The following TRPA1 variants were observed in gnomAD, a reference collection of about 807,000 sequenced individuals.
The protein encoded by TRPA1 is ankyrin-like with transmembrane domains 1.
In TRPA1, 129 loss-of-function variants were observed where a neutral mutation model predicts 131.3. That is an observed-to-expected ratio of 0.98 (90% CI 0.85 to 1.14). The LOEUF (loss-of-function observed/expected upper bound fraction) is 1.14, where lower values mean the gene tolerates loss of function less well. Ranked by LOEUF, TRPA1 falls within the 50% of genes most tolerant of loss-of-function variation. The pLI, the probability that TRPA1 is intolerant of heterozygous loss-of-function variation, is 0.00. For synonymous variants in TRPA1, 441 were observed against 451.7 expected (o/e 0.98, Z 0.30); for missense variants, 1,304 against 1,354.2 (o/e 0.96, Z 0.58).
At chr8:72,078,239 T>C (rs1343078634), upstream of TRPA1, among the ~76,000 whole-genome samples, 1 of 152,090 alleles carries the variant, frequency 6.6e-6, no homozygotes, top group Non-Finnish European at 1.5e-5. Flanking sequence ...CTAAGGAAAA[T>C]AGCATCTTTT....
At chr8:72,079,485 T>TCAAA (rs1806249969), upstream of TRPA1, among the ~76,000 whole-genome samples, 1 of 151,992 alleles carries the variant, frequency 6.6e-6, no homozygotes, top group African/African-American at 2.4e-5. Flanking sequence ...AGAACTGCCT[T>TCAAA]CAAACCATTG....
intron 3 of TRPA1, 87 bp downstream of exon 3, chr8:72,068,936 C>T (rs948925657): frequency 4.3e-6 from 6 of 1,404,618 alleles, no homozygotes; most frequent in African/African-American, 1.4e-5. Context: ...AGAAGGTGCT[C>T]ATCCTGGTGC....
Position 72,047,245 on chromosome 8 carries a change from T to G in TRPA1, c.1906-38A>C, listed in dbSNP as rs762858940. ...AAAACCAGCTAAGATATTGGGGCAG[T>G]ACACTACATATTAGGAAAGATTTTA... On this transcript the variant is annotated intron_variant, in intron 15 of 26. Transcript: ENST00000262209. 4.3e-6 allele frequency: 6 copies of G among 1,410,250 alleles called. No homozygotes were observed. The African/African-American group carries it at 8.5e-5, about 20-fold the overall frequency. The allele number at this position is 1,410,250 out of a possible 1,614,324, so 87.4% of individuals were successfully genotyped here. A position where few individuals can be genotyped will look rare whatever the true frequency, so the allele number is the denominator to read the frequency against.
rs888941922 is a variant in TRPA1, at chr8:72,026,081, G to A, written c.2938-8C>T. ...GCTGGTATGAAGTTCCACCTAAAGTGCATTTTGGATTTATTGATAGAATCA... is the reference window on the plus strand; with the variant it reads ...GCTGGTATGAAGTTCCACCTAAAGTACATTTTGGATTTATTGATAGAATCA... On this transcript the variant is annotated splice_region_variant and splice_polypyrimidine_tract_variant and intron_variant, in intron 24 of 26. Transcript: ENST00000262209. The A allele has an allele frequency of 1.9e-6, 3 of 1,608,922 alleles. No homozygotes were observed. Among genetic ancestry groups the A allele is most frequent in the Non-Finnish European group, 2.6e-6 (3 of 1,175,486 alleles).
At chr8:72,053,030 A>AGAGG in intron 13 of TRPA1, 1 of 389,282 alleles carries the variant, frequency 2.6e-6, no homozygotes, top group African/African-American at 2.1e-5. Flanking sequence ...AGAGAGAGAG[A>AGAGG]GAGAGAGAGA....
At chr8:72,079,509 G>T (rs1435879399), upstream of TRPA1, among the ~76,000 whole-genome samples, 1 of 151,858 alleles carries the variant, frequency 6.6e-6, no homozygotes, top group Non-Finnish European at 1.5e-5. Flanking sequence ...AAAATCAATT[G>T]ACTACAAATG....
rs1805539438 is a variant in TRPA1 at position 72,052,641 on chromosome 8, T to C, written c.1769A>G (p.Asn590Ser). ...QASFLHLALHNKRKEVVLTII... is the reference protein window; with the variant it reads ...QASFLHLALHSKRKEVVLTII... The stretch of plus-strand genomic sequence containing the variant: ...CGTAAGAACAACCTCCTTCCTCTTA[T>C]TGTGAAGTGCAAGGTGCAAAAAGGA... Residue 590 changes from asparagine (N) to serine (S), a missense_variant, in exon 14 of 27, where the codon AAT becomes AGT. Asn to Ser is a conservative substitution (Grantham distance 46, BLOSUM62 1). Coordinates refer to ENST00000262209, the MANE Select transcript of TRPA1 (RefSeq NM_007332.3). The C allele has an allele frequency of 2.5e-6, 4 of 1,613,588 alleles. No homozygotes were observed. Among genetic ancestry groups the C allele is most frequent in the East Asian group, 2.2e-5 (1 of 44,870 alleles).
chr8:72,063,712 A>G, intron 4 of TRPA1, 141 bp from the exon 5 acceptor site: 1 of 637,814 alleles, frequency 1.6e-6, no homozygotes, highest in Non-Finnish European at 2.8e-6. Context: ...TATGTTATGA[A>G]ATCTAGGCAA....
chr8:72,041,576 A>T (rs1812251588), intron 17 of TRPA1, among the ~76,000 whole-genome samples: 1 of 151,932 alleles, frequency 6.6e-6, no homozygotes, highest in African/African-American at 2.4e-5. Context: ...AAAATCGAAA[A>T]ACCTGTGGAA....
chr8:72,064,982 A>C (rs1174191504), intron 4 of TRPA1, among the ~76,000 whole-genome samples: 1 of 152,206 alleles, frequency 6.6e-6, no homozygotes, highest in African/African-American at 2.4e-5. Context: ...TTTGAGACCC[A>C]ATGACAATAA....
In TRPA1 at chr8:72,062,895, A is replaced by C. The variant is rs1259783955; in HGVS notation, c.711T>G (p.Asn237Lys). 1.2e-6 allele frequency: 2 copies of C among 1,613,982 alleles called. No homozygotes were observed. The highest frequency in any genetic ancestry group is 2.2e-5 in the East Asian group (1 of 44,872). The change falls in exon 6 of 27, where the codon AAT (asparagine) becomes AAG (lysine). Residue 237 changes from asparagine (N) to lysine (K), a missense_variant. Coordinates refer to ENST00000262209, the MANE Select transcript of TRPA1 (RefSeq NM_007332.3). The stretch of plus-strand genomic sequence containing the variant: ...CCAGGTGGAGAGGGGTGGCTTTCCC[A>C]TTATTCATAAAGTTAATGTGCAACT... The part of the protein sequence containing the change: ...SRQLHINFMN[N>K]GKATPLHLAV...
chr8:72,026,103 A>G, intron 24 of TRPA1, 30 bp from the exon 25 acceptor site: 1 of 1,548,270 alleles, frequency 6.5e-7, no homozygotes, highest in Non-Finnish European at 8.9e-7. Flanking sequence ...TATTGATAGA[A>G]TCATTAGTTA....
At chr8:72,057,163 A>G (rs2129435736) in intron 9 of TRPA1, 146 bp from the exon 10 acceptor site, 1 of 662,532 alleles carries the variant, frequency 1.5e-6, no homozygotes, top group Non-Finnish European at 2.6e-6. Context: ...TGAGAAAACT[A>G]AACATATTTA....
At chr8:72,067,967 G>GTAAGACA (rs1237355477) in intron 3 of TRPA1, among the ~76,000 whole-genome samples, 2 of 152,304 alleles carry the variant, frequency 1.3e-5, no homozygotes, top group African/African-American at 4.8e-5. Flanking sequence ...ACTTGAATTA[G>GTAAGACA]TAAGACACAC....
At chr8:72,077,626 G>A (rs1806215715), upstream of TRPA1, among the ~76,000 whole-genome samples, 1 of 152,096 alleles carries the variant, frequency 6.6e-6, no homozygotes, top group African/African-American at 2.4e-5. Flanking sequence ...TTTTCAGGCA[G>A]TGTCTTCCTA....
chr8:72,052,995 G>GTGTGTGTGTGTGTGAT (rs71265966), intron 13 of TRPA1: 9 of 351,500 alleles, frequency 2.6e-5, no homozygotes, highest in African/African-American at 1.6e-4. Flanking sequence ...GTGTGTGTGT[G>GTGTGTGTGTGTGTGAT]AGAGATAGAG....
rs987361471 is a variant in TRPA1, at chr8:72,047,657, T to C, written c.1906-450A>G. 8.5e-5 allele frequency among the ~76,000 whole-genome samples: 13 copies of C among 152,288 alleles called. No individual in the cohort carries two copies. The South Asian group carries it at 1.9e-3, about 22-fold the overall frequency. On this transcript the variant is annotated intron_variant, in intron 15 of 26. Transcript: ENST00000262209. ...GAAAATTCCACACATGAGTACTTAATATAAACTTTGTTTCATGCACAAAAT... is the reference window on the plus strand; with the variant it reads ...GAAAATTCCACACATGAGTACTTAACATAAACTTTGTTTCATGCACAAAAT...
At chr8:72,026,095 T>C in intron 24 of TRPA1, 22 bp from the exon 25 acceptor site, 2 of 1,586,886 alleles carry the variant, frequency 1.3e-6, no homozygotes, top group Non-Finnish European at 1.7e-6. Flanking sequence ...TTTGGATTTA[T>C]TGATAGAATC....
Position 72,054,184 on chromosome 8 carries a change from A to C in TRPA1, c.1530-317T>G, listed in dbSNP as rs1052337532. Reference sequence around the variant, plus strand: ...GTCTGTGTCATACCTAATTTTTTTAAAGCTATAATGAACTGATACACATCA... The same window carrying C: ...GTCTGTGTCATACCTAATTTTTTTACAGCTATAATGAACTGATACACATCA... On this transcript the variant is annotated intron_variant, in intron 12 of 26. Coordinates refer to ENST00000262209, the MANE Select transcript of TRPA1 (RefSeq NM_007332.3). 219 of 356,876 alleles carry C rather than the reference A, an allele frequency of 6.1e-4. 4 individuals are homozygous for C. In the Admixed American group the frequency reaches 9.1e-3, roughly 15 times the overall value. 22.1% of individuals were successfully genotyped at this position (356,876 alleles called of 1,614,324 possible). A position where few individuals can be genotyped will look rare whatever the true frequency, so the allele number is the denominator to read the frequency against.
Sources: gnomAD v4.1 joint callset for allele counts (sites outside exome capture counted in the v4.1 genomes callset) on GRCh38, gnomAD v4.1.1 for gene constraint, MANE v1.5 for transcripts, NCBI Gene and HGNC (gene_info 2026-07-23, HGNC 2026-07-21) for gene names.